The following NCOA6 variants were observed in gnomAD, a reference collection of about 807,000 sequenced individuals.
NCOA6 encodes the protein nuclear receptor coactivator 6.
A neutral mutation model predicts 171.4 loss-of-function variants in NCOA6; 49 were observed. That is an observed-to-expected ratio of 0.29 (90% CI 0.23 to 0.36). The LOEUF is 0.36. NCOA6 is among the 10% of genes least tolerant of loss of function. The pLI, the probability that NCOA6 is intolerant of heterozygous loss-of-function variation, is 1.00. For synonymous variants in NCOA6, 910 were observed against 927.5 expected (o/e 0.98, Z 0.34); for missense variants, 2,248 against 2,554.5 (o/e 0.88, Z 2.59).
chr20:34,740,765 C>G lies in NCOA6; in HGVS notation c.5491G>C (p.Ala1831Pro). The G allele has an allele frequency of 6.2e-7, 1 of 1,614,218 alleles. No individual in the cohort carries two copies. The highest frequency in any genetic ancestry group is 2.2e-5 in the East Asian group (1 of 44,888). ...AGAGAGCCTGTAACTTTCTTACATG[C>G]CTTGGTCAACAAAATTTGGCCAATT... ...DKIGQILLTK[A>P]CKKVTGSLEK... Residue 1831 changes from alanine to proline, a missense_variant, in exon 11 of 15, where the codon GCA (alanine) becomes CCA (proline). This residue lies in a region of NCOA6 where 884 missense variants were observed against 941.9 expected (regional missense o/e 0.94). Transcript: ENST00000359003.
chr20:34,784,235 T>A (rs78882413), intron 2 of NCOA6, among the ~76,000 whole-genome samples: 7 of 151,948 alleles, frequency 4.6e-5, no homozygotes, highest in African/African-American at 7.3e-5. Context: ...TTTTTTTTTT[T>A]AATTTATTTT....
chr20:34,720,841 C>T (rs1989225100), intron 14 of NCOA6, among the ~76,000 whole-genome samples: 1 of 152,116 alleles, frequency 6.6e-6, no homozygotes, highest in Non-Finnish European at 1.5e-5. Flanking sequence ...AATACAATCA[C>T]AGTAAATTAT....
At chr20:34,795,844 T>G (rs1393412985) in intron 1 of NCOA6, among the ~76,000 whole-genome samples, 1 of 152,164 alleles carries the variant, frequency 6.6e-6, no homozygotes, top group Non-Finnish European at 1.5e-5. Flanking sequence ...TCTTAGAAGA[T>G]GCATGCTAAA....
intron 4 of NCOA6, among the ~76,000 whole-genome samples, chr20:34,771,244 C>G (rs947123704): frequency 3.9e-5 from 6 of 152,118 alleles, no homozygotes; most frequent in African/African-American, 1.2e-4. Context: ...ATCAGCTTCC[C>G]AAGTAGGTGG....
chr20:34,768,474 T>C lies in NCOA6; in HGVS notation c.504A>G (p.Ala168=). 1.2e-6 allele frequency: 2 copies of C among 1,614,114 alleles called. No individual in the cohort carries two copies. The highest frequency in any genetic ancestry group is 2.7e-5 in the African/African-American group (2 of 75,034). Residue 168 remains alanine (A), a synonymous_variant, in exon 5 of 15, where the codon GCA becomes GCG. Transcript: ENST00000359003. ...SVRMEAGFPM[A]SGPGIIRMNN... is the part of the protein sequence containing the mutation. Reference sequence around the variant, plus strand: ...AGTGGGAGGTCTTACCTGGACCACTTGCCATAGGAAATCCCGCCTCCATCC... The same window carrying C: ...AGTGGGAGGTCTTACCTGGACCACTCGCCATAGGAAATCCCGCCTCCATCC...
At chr20:34,804,815 A>AC (rs2078390895) in intron 1 of NCOA6, among the ~76,000 whole-genome samples, 1 of 151,980 alleles carries the variant, frequency 6.6e-6, no homozygotes, top group Non-Finnish European at 1.5e-5. Flanking sequence ...CACATCCATC[A>AC]CCTCATTTAT....
intron 11 of NCOA6, among the ~76,000 whole-genome samples, chr20:34,740,031 T>C: frequency 6.6e-6 from 1 of 152,028 alleles, no homozygotes; most frequent in South Asian, 2.1e-4. Flanking sequence ...CCTGGCTAAT[T>C]TTTGAATTTT....
chr20:34,733,519 TC>T (rs1225729107), intron 12 of NCOA6, among the ~76,000 whole-genome samples: 1 of 152,172 alleles, frequency 6.6e-6, no homozygotes, highest in Non-Finnish European at 1.5e-5. Context: ...ATCTCTGTGC[TC>T]AATCCCTTAC....
intron 12 of NCOA6, 71 bp downstream of exon 12, chr20:34,736,619 T>C (rs902662359): frequency 2.1e-5 from 27 of 1,284,662 alleles, no homozygotes; most frequent in South Asian, 6.8e-5. Flanking sequence ...ACACACGACA[T>C]TGAGGACAGC....
At chr20:34,751,078 T>C (rs2076463507) in intron 8 of NCOA6, among the ~76,000 whole-genome samples, 2 of 150,988 alleles carry the variant, frequency 1.3e-5, no homozygotes, top group Non-Finnish European at 2.9e-5. Context: ...GCTATAAGAA[T>C]GTGAAGTGTC....
intron 2 of NCOA6, among the ~76,000 whole-genome samples, chr20:34,785,368 G>C (rs887995905): frequency 6.6e-6 from 1 of 151,408 alleles, no homozygotes; most frequent in African/African-American, 2.4e-5. Context: ...GCAGAGGCAG[G>C]AGTGCTGTTT....
At chr20:34,752,980 T>C (rs912733177) in intron 8 of NCOA6, among the ~76,000 whole-genome samples, 2 of 149,388 alleles carry the variant, frequency 1.3e-5, no homozygotes, top group Admixed American at 6.6e-5. Context: ...AGGTACCATA[T>C]AAAAACACAA....
Position 34,749,775 on chromosome 20 carries a change from G to A in NCOA6, c.2420C>T (p.Thr807Ile), listed in dbSNP as rs2076412481. 2 of 1,614,128 alleles carry A rather than the reference G, an allele frequency of 1.2e-6. No homozygotes were observed. The highest frequency in any genetic ancestry group is 1.7e-5 in the Admixed American group (1 of 60,008). Residue 807 changes from threonine (T) to isoleucine (I), a missense_variant, in exon 9 of 15, where the codon ACA (threonine) becomes ATA (isoleucine). Physicochemically the swap from Thr to Ile is moderately conservative, Grantham distance 89. Coordinates refer to ENST00000359003, the MANE Select transcript of NCOA6 (RefSeq NM_014071.5). ...AGATAAACTGACATCGTTATTTGCT[G>A]TAGTAGCAGGATCACCATGCTGCTG... The part of the protein sequence containing the change: ...MAQQHGDPAT[T>I]ANNDVSLSQM...
intron 9 of NCOA6, 126 bp from the exon 10 acceptor site, chr20:34,747,054 T>G (rs2076328126): frequency 1.1e-6 from 1 of 920,680 alleles, no homozygotes; most frequent in African/African-American, 1.7e-5. Flanking sequence ...ATTATTCATC[T>G]CTCTCTAGTC....
rs1025329168 is a variant in NCOA6, at chr20:34,740,718, A to G, written c.5538T>C (p.Tyr1846=). ...GGCCTTCAGTCTCTCCATCTGCACC[A>G]TATTGTTCTTCCCCTTTCTCAAGAG... ...TGSLEKGEEQ[Y]GADGETEGQG... The change falls in exon 11 of 15, where the codon TAT becomes TAC. Residue 1846 remains tyrosine, a synonymous_variant. Transcript: ENST00000359003. 4 of 1,614,040 alleles carry G rather than the reference A, an allele frequency of 2.5e-6. No individual in the cohort carries two copies. Among genetic ancestry groups the G allele is most frequent in the Non-Finnish European group, 3.4e-6 (4 of 1,180,034 alleles).
chr20:34,741,654 C>A lies in NCOA6; in HGVS notation c.4602G>T (p.Leu1534=), dbSNP rs750062477. 38 of 1,614,064 alleles carry A rather than the reference C, an allele frequency of 2.4e-5. No homozygotes were observed. The highest frequency in any genetic ancestry group is 3.1e-5 in the Non-Finnish European group (37 of 1,180,050). ...DLKKASVIPT[L]QDLSSSKEPS... is the part of the protein sequence containing the mutation. ...GTTCTTTAGAAGAAGACAGATCCTG[C>A]AGTGTGGGAATGACAGATGCTTTTT... is the stretch of plus-strand genomic sequence containing the variant. The change falls in exon 11 of 15, where the codon CTG becomes CTT. Residue 1534 remains leucine, a synonymous_variant. Transcript: ENST00000359003.
At chr20:34,795,105 A>G (rs1446180583) in intron 1 of NCOA6, among the ~76,000 whole-genome samples, 1 of 152,214 alleles carries the variant, frequency 6.6e-6, no homozygotes, top group East Asian at 1.9e-4. Context: ...ATGTAGAAGC[A>G]AAGAAAGAAT....
chr20:34,727,880 C>G (rs548802362), intron 13 of NCOA6, among the ~76,000 whole-genome samples: 3 of 151,942 alleles, frequency 2.0e-5, no homozygotes, highest in African/African-American at 7.3e-5. Flanking sequence ...TGTGACACCA[C>G]GCCCTGCTAA....
intron 1 of NCOA6, among the ~76,000 whole-genome samples, chr20:34,800,990 T>A (rs1222540325): frequency 4.6e-5 from 7 of 152,192 alleles, no homozygotes; most frequent in Non-Finnish European, 7.4e-5. Flanking sequence ...AAATTTTTTT[T>A]AATTGAAATA....
Sources: gnomAD v4.1 joint callset for allele counts (sites outside exome capture counted in the v4.1 genomes callset) on GRCh38, gnomAD v4.1.1 for gene constraint, gnomAD v4.1.1 regional missense constraint, MANE v1.5 for transcripts, NCBI Gene and HGNC (gene_info 2026-07-23, HGNC 2026-07-21) for gene names.